The following PRCP variants were observed in gnomAD, a reference collection of about 807,000 sequenced individuals.
PRCP encodes the protein lysosomal Pro-X carboxypeptidase.
PRCP carries 46 observed loss-of-function variants against 54.2 expected under a neutral mutation model. That is an observed-to-expected ratio of 0.85 (90% CI 0.67 to 1.09). The LOEUF is 1.09. Ranked by LOEUF, PRCP falls within the 50% of genes least tolerant of loss-of-function variation. PRCP has a pLI of 0.00. For synonymous variants in PRCP, 240 were observed against 212.2 expected (o/e 1.13, Z -1.14); for missense variants, 613 against 596.8 (o/e 1.03, Z -0.28).
chr11:82,894,096 TA>T (rs1197188547), intron 1 of PRCP, among the ~76,000 whole-genome samples: 2 of 151,900 alleles, frequency 1.3e-5, no homozygotes, highest in East Asian at 1.9e-4. Flanking sequence ...CAGAACCATA[TA>T]AAAAAATAAA....
intron 8 of PRCP, among the ~76,000 whole-genome samples, chr11:82,834,647 G>A (rs992663931): frequency 2.6e-5 from 4 of 152,186 alleles, no homozygotes; most frequent in Non-Finnish European, 5.9e-5. Flanking sequence ...ACTAATGCAG[G>A]AACAGAAAAC....
intron 7 of PRCP, 57 bp downstream of exon 7, chr11:82,839,204 C>A: frequency 6.5e-7 from 1 of 1,539,336 alleles, no homozygotes; most frequent in Non-Finnish European, 8.8e-7. Context: ...TTTTTTTTTA[C>A]AGCACAACTG....
At chr11:82,862,793 C>T (rs1291827429) in intron 1 of PRCP, among the ~76,000 whole-genome samples, 1 of 152,062 alleles carries the variant, frequency 6.6e-6, no homozygotes, top group African/African-American at 2.4e-5. Flanking sequence ...TGCTATAAAC[C>T]CTTCCATTAT....
At chr11:82,866,329 A>G (rs893090763) in intron 1 of PRCP, among the ~76,000 whole-genome samples, 19 of 152,162 alleles carry the variant, frequency 1.2e-4, no homozygotes, top group African/African-American at 4.3e-4. Flanking sequence ...GTCATTGCCA[A>G]CCTTAGAGGG....
At chr11:82,852,572 C>T (rs1038128334) in intron 3 of PRCP, among the ~76,000 whole-genome samples, 7 of 152,098 alleles carry the variant, frequency 4.6e-5, no homozygotes, top group African/African-American at 9.7e-5. Flanking sequence ...TAATAGTACA[C>T]GTGGCAAATT....
intron 8 of PRCP, among the ~76,000 whole-genome samples, chr11:82,833,043 G>A (rs1343806655): frequency 1.3e-5 from 2 of 152,206 alleles, no homozygotes; most frequent in Non-Finnish European, 2.9e-5. Context: ...ACACAGTCTT[G>A]CCTTTAAATT....
At chr11:82,883,631 T>C (rs1859801845) in intron 1 of PRCP, among the ~76,000 whole-genome samples, 2 of 152,308 alleles carry the variant, frequency 1.3e-5, no homozygotes, top group South Asian at 4.1e-4. Context: ...GTCAGTCAGT[T>C]TGGAATTTAA....
intron 1 of PRCP, among the ~76,000 whole-genome samples, chr11:82,888,401 A>G (rs1390514340): frequency 6.6e-6 from 1 of 152,244 alleles, no homozygotes; most frequent in Non-Finnish European, 1.5e-5. Flanking sequence ...GTAAGGATTT[A>G]CAAATATACA....
intron 1 of PRCP, among the ~76,000 whole-genome samples, chr11:82,899,248 G>T (rs1437991385): frequency 6.6e-6 from 1 of 152,148 alleles, no homozygotes; most frequent in Admixed American, 6.5e-5. Flanking sequence ...TTATATGAGT[G>T]CCTACTTGAA....
intron 1 of PRCP, among the ~76,000 whole-genome samples, chr11:82,872,619 C>T (rs763368153): frequency 2.6e-4 from 39 of 152,262 alleles, no homozygotes; most frequent in Non-Finnish European, 4.6e-4. Flanking sequence ...AGAAGCTTAG[C>T]GAGGGACACA....
At chr11:82,879,474 C>T (rs530597652) in intron 1 of PRCP, among the ~76,000 whole-genome samples, 7 of 152,316 alleles carry the variant, frequency 4.6e-5, no homozygotes, top group African/African-American at 7.2e-5. Context: ...TGGGTTCAAA[C>T]ATCCTCCTTT....
chr11:82,825,941 CTAA>C (rs1681915031), intron 8 of PRCP: 1 of 152,156 alleles, frequency 6.6e-6, no homozygotes, highest in African/African-American at 2.4e-5. Context: ...GACAGCATCC[CTAA>C]TAATATTTCT....
Position 82,853,225 on chromosome 11 carries a change from T to A in PRCP, c.363A>T (p.Glu121Asp), listed in dbSNP as rs1859001507. The A allele has an allele frequency of 6.2e-7, 1 of 1,613,206 alleles. No individual in the cohort carries two copies. The highest frequency in any genetic ancestry group is 1.3e-5 in the African/African-American group (1 of 74,878). ...GGAGAGACTCTCCATAGTATCGATG[T>A]TCAGCAAACACCAACATAGCTTTCA... Reference protein sequence around the residue: ...EELKAMLVFAEHRYYGESLPF... With the variant: ...EELKAMLVFADHRYYGESLPF... The change falls in exon 3 of 9, where the codon GAA (glutamate) becomes GAT (aspartate). Residue 121 changes from glutamate to aspartate, a missense_variant. By Grantham distance (45) the Glu-to-Asp change is conservative. Transcript: ENST00000313010.
rs1565230944 is a variant in PRCP at position 82,873,083 on chromosome 11, A to ATTTT, written c.169-12967_169-12966insAAAA. 3.0e-3 allele frequency among the ~76,000 whole-genome samples: 411 copies of ATTTT among 134,856 alleles called. 7 individuals carry two copies. Among genetic ancestry groups the ATTTT allele is most frequent in the African/African-American group, 0.011 (388 of 36,572 alleles). 88.5% of individuals were successfully genotyped at this position (134,856 alleles called of 152,430 possible). On this transcript the variant is annotated intron_variant, in intron 1 of 8. Coordinates refer to ENST00000313010, the MANE Select transcript of PRCP (RefSeq NM_005040.4). ...TCTGATCTGTTTTTTTTTTTTTAAAAAAAAAGAAAGTAAGAAGAATAAGTA... is the reference window on the plus strand; with the variant it reads ...TCTGATCTGTTTTTTTTTTTTTAAAATTTTAAAAAGAAAGTAAGAAGAATAAGTA...
chr11:82,857,711 C>G (rs764089611), intron 2 of PRCP, among the ~76,000 whole-genome samples: 4 of 152,072 alleles, frequency 2.6e-5, no homozygotes, highest in Non-Finnish European at 4.4e-5. Flanking sequence ...TTGTTTTGAT[C>G]GATAAATGAA....
chr11:82,839,276 C>T lies in PRCP; in HGVS notation c.1071G>A (p.Leu357=), dbSNP rs1432087931. ...SETATSSLGT[L]GWSYQACTEV... ...ACATATTTACCTGATAGCTCCAACC[C>T]AGTGTTCCCAGACTGCTAGTTGCTG... Residue 357 remains leucine, a synonymous_variant, in exon 7 of 9, where the codon CTG becomes CTA. Transcript: ENST00000313010. The T allele has an allele frequency of 6.2e-7, 1 of 1,613,418 alleles. No individual in the cohort carries two copies. Among genetic ancestry groups the T allele is most frequent in the Admixed American group, 1.7e-5 (1 of 59,910 alleles).
intron 6 of PRCP, 136 bp from the exon 7 acceptor site, chr11:82,839,561 C>A: frequency 1.1e-6 from 1 of 946,180 alleles, no homozygotes; most frequent in South Asian, 1.6e-5. Context: ...TGTTTAATTT[C>A]TCTCTTGGGT....
At chr11:82,868,176 T>C (rs1859386551) in intron 1 of PRCP, among the ~76,000 whole-genome samples, 1 of 152,206 alleles carries the variant, frequency 6.6e-6, no homozygotes, top group Non-Finnish European at 1.5e-5. Flanking sequence ...TAATGCATTG[T>C]TCTGTATGTA....
rs768743550 is a variant in PRCP at position 82,850,464 on chromosome 11, C to T, written c.453G>A (p.Leu151=). The T allele has an allele frequency of 1.9e-6, 3 of 1,595,366 alleles. No individual in the cohort carries two copies. Among genetic ancestry groups the T allele is most frequent in the South Asian group, 1.1e-5 (1 of 88,090 alleles). ...HLNFLTSEQA[L]ADFAELIKHL... is the part of the protein sequence containing the mutation. The stretch of plus-strand genomic sequence containing the variant: ...GTTTGATTAACTCTGCAAAATCAGC[C>T]AGAGCTTGTTCTGATGTCAGGAAAT... Residue 151 remains leucine (L), a synonymous_variant, in exon 4 of 9, where the codon CTG becomes CTA. Coordinates refer to ENST00000313010, the MANE Select transcript of PRCP (RefSeq NM_005040.4).
Sources: allele counts gnomAD v4.1 joint callset (sites outside exome capture counted in the v4.1 genomes callset), GRCh38; gene constraint gnomAD v4.1.1; transcripts MANE v1.5; gene names NCBI Gene and HGNC (gene_info 2026-07-23, HGNC 2026-07-21).